Variants in SLCO4A1 observed in about 807,000 individuals in gnomAD.
SLCO4A1 encodes the protein solute carrier organic anion transporter family member 4A1.
In SLCO4A1, 51 loss-of-function variants were observed where a neutral mutation model predicts 64.6. That is an observed-to-expected ratio of 0.79 (90% confidence interval 0.63 to 1.00). The LOEUF (loss-of-function observed/expected upper bound fraction) is 1.00, where lower values mean the gene tolerates loss of function less well. Ranked by LOEUF, SLCO4A1 falls within the 50% of genes least tolerant of loss-of-function variation. The pLI is 0.00. For missense variants in SLCO4A1, 919 were observed against 980.5 expected, an observed-to-expected ratio of 0.94 and a Z score of 0.84; for synonymous variants, 471 against 444.9, an observed-to-expected ratio of 1.06 and a Z score of -0.74.
In SLCO4A1 at chr20:62,661,686, T is replaced by G. The variant is rs575662965; in HGVS notation, c.1121+511T>G. On this transcript the variant is annotated intron_variant, in intron 5 of 11. Coordinates refer to ENST00000217159, the MANE Select transcript of SLCO4A1 (RefSeq NM_016354.4). This position sits in a 1 kb window ranked among gnomAD's most constrained non-coding sequence, Gnocchi z 5.2. ...CCCCATCTCCCTCCCTCCCTCAGAG[T>G]CTCTGAGGACCTCCCCCCTCTACCC... Among the ~76,000 whole-genome samples the G allele has an allele frequency of 7.0e-6, 1 of 142,060 alleles. No homozygotes were observed. The highest frequency in any genetic ancestry group is 7.0e-5 in the Admixed American group (1 of 14,198). 93.2% of individuals were successfully genotyped at this position (142,060 alleles called of 152,430 possible). A position where few individuals can be genotyped will look rare whatever the true frequency, so the allele number is the denominator to read the frequency against.
chr20:62,658,139 C>T (rs1329211621), intron 2 of SLCO4A1, among the ~76,000 whole-genome samples: 3 of 152,254 alleles, frequency 2.0e-5, no homozygotes, highest in Non-Finnish European at 4.4e-5. Context: ...TGGCCCCAGC[C>T]GGACTCTGCA....
chr20:62,678,532 C>CTTT lies in SLCO4A1; in HGVS notation n.212-6894_212-6892dup, dbSNP rs71195465. ...CACAAATGTTTCTTACAGCGCTATT[C>CTTT]TTTTTTTTTTTTTTTTTGAGACCGG... On this transcript the variant is annotated intron_variant and non_coding_transcript_variant, in intron 2 of 2. Coordinates refer to the SLCO4A1 transcript ENST00000466818. Among the ~76,000 whole-genome samples the CTTT allele has an allele frequency of 2.2e-3, 309 of 138,694 alleles. 2 individuals carry two copies. The highest frequency in any genetic ancestry group is 4.6e-3 in the South Asian group (20 of 4,324). 91.0% of individuals were successfully genotyped at this position (138,694 alleles called of 152,430 possible). A position where few individuals can be genotyped will look rare whatever the true frequency, so the allele number is the denominator to read the frequency against.
At chr20:62,652,285 T>C (rs1414444003) in intron 1 of SLCO4A1, 1 of 152,194 alleles carries the variant, frequency 6.6e-6, no homozygotes, top group African/African-American at 2.4e-5. Context: ...AGGGTAGTTC[T>C]TGGCTCTGTG....
At chr20:62,671,011 A>G (rs1049813955) in intron 11 of SLCO4A1, among the ~76,000 whole-genome samples, 12 of 152,108 alleles carry the variant, frequency 7.9e-5, no homozygotes, top group Non-Finnish European at 1.8e-4. Flanking sequence ...CCGTGCTTGG[A>G]CCTCACCGCC....
At position 62,657,023 on chromosome 20, in the gene SLCO4A1, C is replaced by A; in HGVS notation, c.569C>A (p.Pro190His). 6.3e-7 allele frequency: 1 copy of A among 1,587,390 alleles called. No homozygotes were observed. Among genetic ancestry groups the A allele is most frequent in the Non-Finnish European group, 8.6e-7 (1 of 1,163,190 alleles). ...MGTGSLVFAL[P>H]HFTAGRYEVE... is the part of the protein sequence containing the mutation. ...ACGGGGTCGCTGGTGTTCGCGCTGC[C>A]CCACTTCACGGCTGGCCGCTATGAG... The change falls in exon 2 of 12, where the codon CCC becomes CAC. Residue 190 changes from proline (P) to histidine (H), a missense_variant. Transcript: ENST00000217159.
At chr20:62,689,050 G>A (rs181004709), downstream of SLCO4A1, among the ~76,000 whole-genome samples, 1 of 152,324 alleles carries the variant, frequency 6.6e-6, no homozygotes, top group Non-Finnish European at 1.5e-5. Context: ...GTGGCCGGAG[G>A]CGCCCCATTC....
intron 1 of SLCO4A1, among the ~76,000 whole-genome samples, chr20:62,642,799 C>T (rs1009158028): frequency 1.3e-5 from 2 of 152,162 alleles, no homozygotes; most frequent in African/African-American, 2.4e-5. Context: ...GCTCCCGAGT[C>T]GCCCGCAGGA....
In SLCO4A1 at chr20:62,685,214, C is replaced by G. The variant is rs1988015058; in HGVS notation, n.212-227C>G. Among the ~76,000 whole-genome samples, 2 of 87,776 alleles carry G rather than the reference C, an allele frequency of 2.3e-5. No individual in the cohort carries two copies. Among genetic ancestry groups the G allele is most frequent in the Admixed American group, 1.4e-4 (1 of 7,382 alleles). 57.6% of individuals were successfully genotyped at this position (87,776 alleles called of 152,430 possible). A position where few individuals can be genotyped will look rare whatever the true frequency, so the allele number is the denominator to read the frequency against. On this transcript the variant is annotated intron_variant and non_coding_transcript_variant, in intron 2 of 2. Coordinates refer to the SLCO4A1 transcript ENST00000466818. The surrounding 1 kb of genome is among the most constrained non-coding windows in gnomAD (Gnocchi z 4.6). ...CCTTGGGTGCAGTGAAGCAGGCGGG[C>G]AGGGGAGGGTGGCAGCGGGGTGTGG...
At chr20:62,689,324 G>C (rs550980644), downstream of SLCO4A1, among the ~76,000 whole-genome samples, 523 of 152,194 alleles carry the variant, frequency 3.4e-3, 1 homozygote, top group Non-Finnish European at 4.9e-3. Flanking sequence ...GCTGTGCCCC[G>C]TGCCTCGCAG....
intron 3 of SLCO4A1, 69 bp downstream of exon 3, chr20:62,658,836 C>T: frequency 7.6e-7 from 1 of 1,315,790 alleles, no homozygotes; most frequent in African/African-American, 1.5e-5. Context: ...GGTTCAGAGT[C>T]AGCAGGGCCC....
Position 62,661,152 on chromosome 20 carries a change from G to A in SLCO4A1, c.1098G>A (p.Gly366=). ...SRGEASNPDF[G]KTIRDLPLSI... is the part of the protein sequence containing the mutation. ...GGGAGGCGAGCAACCCGGACTTTGG[G>A]AAAACCATCAGAGACCTGCCTCTGT... The change falls in exon 5 of 12, where the codon GGG becomes GGA. Residue 366 remains glycine, a synonymous_variant. Coordinates refer to ENST00000217159, the MANE Select transcript of SLCO4A1 (RefSeq NM_016354.4). This position sits in a 1 kb window ranked among gnomAD's most constrained non-coding sequence, Gnocchi z 5.2. The A allele has an allele frequency of 1.2e-6, 2 of 1,613,200 alleles. No homozygotes were observed. Among genetic ancestry groups the A allele is most frequent in the Non-Finnish European group, 1.7e-6 (2 of 1,179,766 alleles).
At position 62,661,140 on chromosome 20, in the gene SLCO4A1, C is replaced by G. The variant is rs749042227; in HGVS notation, c.1086C>G (p.Asn362Lys). The G allele has an allele frequency of 6.2e-7, 1 of 1,608,662 alleles. No homozygotes were observed. The highest frequency in any genetic ancestry group is 8.5e-7 in the Non-Finnish European group (1 of 1,176,962). ...ACAGCAGCCGTGGGGAGGCGAGCAA[C>G]CCGGACTTTGGGAAAACCATCAGAG... is the stretch of plus-strand genomic sequence containing the variant. ...LKDSSRGEAS[N>K]PDFGKTIRDL... The change falls in exon 5 of 12, where the codon AAC (asparagine) becomes AAG (lysine). Residue 362 changes from asparagine to lysine, a missense_variant. By Grantham distance (94) the Asn-to-Lys change is moderately conservative. Transcript: ENST00000217159. This position sits in a 1 kb window ranked among gnomAD's most constrained non-coding sequence, Gnocchi z 5.2.
At chr20:62,687,164 T>TG (rs1378423884), downstream of SLCO4A1, among the ~76,000 whole-genome samples, 4 of 145,306 alleles carry the variant, frequency 2.8e-5, no homozygotes, top group Admixed American at 6.8e-5. Flanking sequence ...ACAGGAGCGA[T>TG]GGAAAGGGCG....
intron 10 of SLCO4A1, 26 bp from the exon 11 acceptor site, chr20:62,668,904 G>A: frequency 1.3e-6 from 2 of 1,595,736 alleles, no homozygotes; most frequent in Non-Finnish European, 1.7e-6. Context: ...CAGGAGTGTG[G>A]GTGCTGAGTG....
At chr20:62,652,598 C>G (rs1392617492) in intron 1 of SLCO4A1, among the ~76,000 whole-genome samples, 1 of 152,246 alleles carries the variant, frequency 6.6e-6, no homozygotes, top group Non-Finnish European at 1.5e-5. Flanking sequence ...GTGGGTGGCT[C>G]TCTGCCCCTT....
downstream of SLCO4A1, among the ~76,000 whole-genome samples, chr20:62,686,804 A>G (rs779527433): frequency 4.6e-5 from 7 of 151,950 alleles, no homozygotes; most frequent in Non-Finnish European, 7.3e-5. Context: ...GTGGCTGGCC[A>G]GGGCGCCCAT....
At position 62,660,528 on chromosome 20, in the gene SLCO4A1, T is replaced by C. The variant is rs779416234; in HGVS notation, c.1004T>C (p.Leu335Pro). The C allele has an allele frequency of 6.2e-7, 1 of 1,605,030 alleles. No homozygotes were observed. The highest frequency in any genetic ancestry group is 1.1e-5 in the South Asian group (1 of 91,086). ...CCCATCCTTGGTTACCCTCGGCAGC[T>C]GCCAGGTGGGTTTCCCTTCCCCAGC... ...AVPILGYPRQ[L>P]PGSQRYAVMR... Residue 335 changes from leucine (L) to proline (P), a missense_variant, in exon 4 of 12, where the codon CTG becomes CCG. Transcript: ENST00000217159.
chr20:62,660,398 T>C lies in SLCO4A1; in HGVS notation c.888-14T>C, dbSNP rs755209051. 1.1e-5 allele frequency: 18 copies of C among 1,596,044 alleles called. 2 individuals are homozygous for C. The South Asian group carries it at 2.0e-4, about 18-fold the overall frequency. ...GGCTGCACGCTGACCCAGGTGCCAC[T>C]GCCTCTTCCACAGGACGGAGCTGAC... is the stretch of plus-strand genomic sequence containing the variant. On this transcript the variant is annotated splice_polypyrimidine_tract_variant and intron_variant, in intron 3 of 11. Transcript: ENST00000217159.
At chr20:62,679,902 A>G (rs968688728) in intron 2 of SLCO4A1, among the ~76,000 whole-genome samples, 2 of 152,206 alleles carry the variant, frequency 1.3e-5, no homozygotes, top group Admixed American at 6.5e-5. Context: ...GACTCTCTCG[A>G]ATAAAGGAAA....
Sources: gnomAD v4.1 joint callset for allele counts (sites outside exome capture counted in the v4.1 genomes callset) on GRCh38, gnomAD v4.1.1 for gene constraint, Gnocchi (gnomAD v3.1) non-coding constraint, MANE v1.5 for transcripts, NCBI Gene and HGNC (gene_info 2026-07-23, HGNC 2026-07-21) for gene names.